The following CXADR variants were observed in gnomAD, a reference collection of about 807,000 sequenced individuals.
The protein encoded by CXADR is CXADR cell adhesion molecule, also known as coxsackievirus and adenovirus receptor.
CXADR carries 20 observed loss-of-function variants against 40.3 expected under a neutral mutation model. The observed-to-expected ratio is 0.50, with a 90% CI of 0.35 to 0.72. The LOEUF (loss-of-function observed/expected upper bound fraction) is 0.72, where lower values mean the gene tolerates loss of function less well. CXADR is among the 30% of genes least tolerant of loss of function. The probability of loss-of-function intolerance (pLI) is 0.01; values close to 1 mark genes in which losing one functional copy is unlikely to be tolerated. For missense variants in CXADR, 332 were observed against 449.1 expected (o/e 0.74, Z 2.36); for synonymous variants, 150 against 161.3 (o/e 0.93, Z 0.53).
chr21:17,588,092 T>C (rs1164872567), intron 7 of CXADR, among the ~76,000 whole-genome samples: 1 of 152,192 alleles, frequency 6.6e-6, no homozygotes, highest in Non-Finnish European at 1.5e-5. Context: ...GATTGGTTTA[T>C]ATCTCTGTTT....
Position 17,539,930 on chromosome 21 carries a change from T to G in CXADR, c.44-7097T>G, listed in dbSNP as rs79199240. 7.9e-3 allele frequency among the ~76,000 whole-genome samples: 1,208 copies of G among 152,298 alleles called. 69 individuals are homozygous for G. In the East Asian group the frequency reaches 0.16, roughly 20 times the overall value. On this transcript the variant is annotated intron_variant, in intron 1 of 6. Transcript: ENST00000284878. The stretch of plus-strand genomic sequence containing the variant: ...CTGTATGCAGTCTGTATTAGTCTGC[T>G]CAGGCTGCCGTAACAAAATGCCATA...
At chr21:17,551,648 G>C in intron 2 of CXADR, 101 bp from the exon 3 acceptor site, 1 of 936,252 alleles carries the variant, frequency 1.1e-6, no homozygotes, top group African/African-American at 1.7e-5. Context: ...TTTCTGGGAG[G>C]GGGCGTTCTG....
the CXADR span, among the ~76,000 whole-genome samples, chr21:17,629,075 C>T: frequency 0.017 from 2,655 of 152,240 alleles, 80 homozygotes; most frequent in African/African-American, 0.059. Flanking sequence ...CAGTCTCTGT[C>T]TTCAAGGAGC....
intron 1 of CXADR, among the ~76,000 whole-genome samples, chr21:17,531,075 G>A (rs188247895): frequency 2.4e-4 from 36 of 152,074 alleles, no homozygotes; most frequent in African/African-American, 8.4e-4. Flanking sequence ...CGAGGTGGGT[G>A]GATCACGAGG....
At chr21:17,626,161 A>G in the CXADR span, among the ~76,000 whole-genome samples, 1 of 152,166 alleles carries the variant, frequency 6.6e-6, no homozygotes, top group East Asian at 1.9e-4. Context: ...TATTTTTCAT[A>G]TACGGACAGA....
downstream of CXADR, among the ~76,000 whole-genome samples, chr21:17,597,590 T>C (rs543362093): frequency 7.2e-5 from 11 of 152,122 alleles, no homozygotes; most frequent in South Asian, 1.9e-3. Context: ...TATACTGTCT[T>C]GTACTGTTTG....
chr21:17,519,401 A>C (rs2060500820), intron 1 of CXADR, among the ~76,000 whole-genome samples: 1 of 152,194 alleles, frequency 6.6e-6, no homozygotes, highest in South Asian at 2.1e-4. Flanking sequence ...TCATCTAATA[A>C]AGATGGTCCT....
chr21:17,522,433 C>T (rs929831907), intron 1 of CXADR, among the ~76,000 whole-genome samples: 2 of 152,158 alleles, frequency 1.3e-5, no homozygotes, highest in Non-Finnish European at 2.9e-5. Flanking sequence ...CAGGTGTGAG[C>T]CACTGCGCTC....
intron 1 of CXADR, among the ~76,000 whole-genome samples, chr21:17,541,281 G>T (rs1219518998): frequency 6.6e-6 from 1 of 152,048 alleles, no homozygotes; most frequent in Non-Finnish European, 1.5e-5. Flanking sequence ...GGCTGGGCGC[G>T]GTGGCTCACG....
At position 17,551,928 on chromosome 21, in the gene CXADR, TAAG is replaced by T. The variant is rs1408790650; in HGVS notation, c.395_397del (p.Lys132del). ...TGAAAAAAGCTCCTGGTGTTGCAAA[TAAG>T]AAGATTCATCTGGTAGTTCTTGGTA... is the stretch of plus-strand genomic sequence containing the variant. On this transcript the variant is annotated inframe_deletion, in exon 3 of 7. Transcript: ENST00000284878. 1.9e-6 allele frequency: 3 copies of T among 1,613,742 alleles called. No individual in the cohort carries two copies. Among genetic ancestry groups the T allele is most frequent in the Non-Finnish European group, 2.5e-6 (3 of 1,179,696 alleles).
intron 7 of CXADR, among the ~76,000 whole-genome samples, chr21:17,591,647 C>T (rs1395627746): frequency 6.6e-6 from 1 of 151,704 alleles, no homozygotes; most frequent in Non-Finnish European, 1.5e-5. Context: ...AAATTTAGAG[C>T]TTTGCAGTTA....
At chr21:17,604,471 T>G in the CXADR span, among the ~76,000 whole-genome samples, 1 of 151,916 alleles carries the variant, frequency 6.6e-6, no homozygotes, top group African/African-American at 2.4e-5. Context: ...AGAGGGAGAA[T>G]AAACAGAAAC....
intron 1 of CXADR, among the ~76,000 whole-genome samples, chr21:17,537,537 C>T (rs560892828): frequency 6.6e-6 from 1 of 152,014 alleles, no homozygotes; most frequent in Middle Eastern, 3.2e-3. Flanking sequence ...ATTCATAGCT[C>T]CTCTCTGTCC....
chr21:17,578,500 T>A (rs1490891275), intron 7 of CXADR, among the ~76,000 whole-genome samples: 2 of 152,176 alleles, frequency 1.3e-5, no homozygotes, highest in Non-Finnish European at 2.9e-5. Context: ...CCAGTTCTGG[T>A]AGGATGGTTG....
At chr21:17,570,470 T>A (rs2061269073), downstream of CXADR, among the ~76,000 whole-genome samples, 1 of 152,102 alleles carries the variant, frequency 6.6e-6, no homozygotes, top group African/African-American at 2.4e-5. Flanking sequence ...ACTGGCAGAT[T>A]TGGTGTCTGG....
chr21:17,611,782 GA>G, the CXADR span: 2 of 152,250 alleles, frequency 1.3e-5, no homozygotes, highest in Non-Finnish European at 2.9e-5. Context: ...CGGCTGCGTG[GA>G]TAAAACCCAA....
the CXADR span, among the ~76,000 whole-genome samples, chr21:17,617,415 G>T: frequency 6.6e-6 from 1 of 152,050 alleles, no homozygotes; most frequent in Non-Finnish European, 1.5e-5. Context: ...TAGTATATGT[G>T]CTGCCGAAGC....
chr21:17,561,229 T>A, intron 5 of CXADR, 109 bp from the exon 6 acceptor site: 1 of 553,044 alleles, frequency 1.8e-6, no homozygotes, highest in Non-Finnish European at 2.6e-6. Flanking sequence ...AAATAATTTG[T>A]CTTAAAGTTA....
Position 17,568,168 on chromosome 21 carries a change from A to T in CXADR, c.*2476A>T, listed in dbSNP as rs2737873. 12 of 960,188 alleles carry T rather than the reference A, an allele frequency of 1.2e-5. No homozygotes were observed. The highest frequency in any genetic ancestry group is 1.2e-4 in the East Asian group (1 of 8,148). 59.5% of individuals were successfully genotyped at this position (960,188 alleles called of 1,614,324 possible). A position where few individuals can be genotyped will look rare whatever the true frequency, so the allele number is the denominator to read the frequency against. ...TTTTAAGACGGAGTCTCGGTCTGTC[A>T]CCCAGGCTGGAGTGCAGTGGCGGGA... On this transcript the variant is annotated 3_prime_UTR_variant, in exon 7 of 7. Coordinates refer to ENST00000284878, the MANE Select transcript of CXADR (RefSeq NM_001338.5).
Sources: allele counts gnomAD v4.1 joint callset (sites outside exome capture counted in the v4.1 genomes callset), GRCh38; gene constraint gnomAD v4.1.1; transcripts MANE v1.5; gene names NCBI Gene and HGNC (gene_info 2026-07-23, HGNC 2026-07-21).